The following PDIA5 variants were observed in gnomAD, a reference collection of about 807,000 sequenced individuals.
PDIA5 encodes the protein protein disulfide isomerase family A member 5.
Under a neutral mutation model 77.6 loss-of-function variants are expected in PDIA5, and 58 were observed. The ratio of observed to expected loss-of-function variants is 0.75; its 90% confidence interval spans 0.61 to 0.93. The LOEUF (loss-of-function observed/expected upper bound fraction) is 0.93. Among genes scored for constraint, PDIA5 ranks in the 40% least tolerant of loss-of-function variants. PDIA5 has a pLI of 0.00. For missense variants in PDIA5, 630 were observed against 647.7 expected, an observed-to-expected ratio of 0.97 and a Z score of 0.30; for synonymous variants, 250 against 252.1, an observed-to-expected ratio of 0.99 and a Z score of 0.08.
intron 2 of PDIA5, among the ~76,000 whole-genome samples, chr3:123,090,080 G>A (rs1486690759): frequency 1.3e-5 from 2 of 152,204 alleles, no homozygotes; most frequent in Non-Finnish European, 2.9e-5. Context: ...AGTTTTCCCC[G>A]GCAGCTCGGC....
rs71623603 is a variant in PDIA5, at chr3:123,101,906, C to CTTTTTTTTTTTTTTTTTTTTTTTT, written c.258-484_258-483insTTTTTTTTTTTTTTTTTTTTTTTT. 9.8e-5 allele frequency among the ~76,000 whole-genome samples: 7 copies of CTTTTTTTTTTTTTTTTTTTTTTTT among 71,398 alleles called. 2 individuals carry two copies. The highest frequency in any genetic ancestry group is 2.2e-4 in the African/African-American group (4 of 18,382). 46.8% of individuals were successfully genotyped at this position (71,398 alleles called of 152,430 possible). On this transcript the variant is annotated intron_variant, in intron 3 of 16. Transcript: ENST00000316218. ...TCCCCTTCCTTTCCTTTCTTTCTTG[C>CTTTTTTTTTTTTTTTTTTTTTTTT]TTTTTTTTTTTTTTTTTTTTTGAGA...
chr3:123,081,388 C>T (rs578237577), intron 1 of PDIA5, among the ~76,000 whole-genome samples: 24 of 152,350 alleles, frequency 1.6e-4, no homozygotes, highest in African/African-American at 5.8e-4. Flanking sequence ...CGCCAAACCA[C>T]CAGCTCTAAA....
chr3:123,082,184 A>G (rs1934029341), intron 1 of PDIA5, among the ~76,000 whole-genome samples: 1 of 152,076 alleles, frequency 6.6e-6, no homozygotes, highest in Admixed American at 6.6e-5. Context: ...AGATAGGGGC[A>G]TTTCCTGGTT....
chr3:123,085,730 C>G (rs1934122140), intron 1 of PDIA5, among the ~76,000 whole-genome samples: 1 of 152,230 alleles, frequency 6.6e-6, no homozygotes, highest in South Asian at 2.1e-4. Context: ...GCGTGGGTGC[C>G]TACCAGCCTC....
rs1305174936 is a variant in PDIA5, at chr3:123,137,100, A to G, written c.910+6484A>G. Among the ~76,000 whole-genome samples, 4 of 152,226 alleles carry G rather than the reference A, an allele frequency of 2.6e-5. No individual in the cohort carries two copies. The East Asian group carries it at 7.7e-4, about 29-fold the overall frequency. On this transcript the variant is annotated intron_variant, in intron 11 of 16. Transcript: ENST00000316218. ...GAATTTCCTTGGCCCTGGGGTAAGTAAGCTTGAGCTTTGGCAGATGCTACC... is the reference window on the plus strand; with the variant it reads ...GAATTTCCTTGGCCCTGGGGTAAGTGAGCTTGAGCTTTGGCAGATGCTACC...
At chr3:123,148,126 G>A (rs1442402529) in intron 13 of PDIA5, among the ~76,000 whole-genome samples, 2 of 152,192 alleles carry the variant, frequency 1.3e-5, no homozygotes, top group African/African-American at 4.8e-5. Flanking sequence ...CTGAGATCGT[G>A]ACCCTGAGCC....
intron 5 of PDIA5, among the ~76,000 whole-genome samples, chr3:123,103,679 C>G (rs1463674510): frequency 1.3e-5 from 2 of 152,144 alleles, no homozygotes; most frequent in Non-Finnish European, 2.9e-5. Flanking sequence ...TGCTTATCCA[C>G]TAACACTCAT....
chr3:123,090,734 T>A (rs1017753565), intron 2 of PDIA5, among the ~76,000 whole-genome samples: 8 of 152,102 alleles, frequency 5.3e-5, no homozygotes, highest in Non-Finnish European at 1.0e-4. Context: ...GGTGGGGCCC[T>A]GTTGTCAGGC....
intron 7 of PDIA5, among the ~76,000 whole-genome samples, chr3:123,115,615 A>C (rs985271754): frequency 6.6e-6 from 1 of 151,834 alleles, no homozygotes; most frequent in Non-Finnish European, 1.5e-5. Flanking sequence ...TAGAAAGTTG[A>C]GTGAAGATCA....
intron 14 of PDIA5, among the ~76,000 whole-genome samples, chr3:123,151,631 C>A (rs1004491563): frequency 6.6e-6 from 1 of 152,260 alleles, no homozygotes; most frequent in Non-Finnish European, 1.5e-5. Flanking sequence ...AGCCCCCCGC[C>A]ACCCTGACCC....
At chr3:123,112,355 T>C (rs568824056) in intron 7 of PDIA5, among the ~76,000 whole-genome samples, 8 of 152,096 alleles carry the variant, frequency 5.3e-5, no homozygotes, top group African/African-American at 1.7e-4. Context: ...TTCTGTTTGC[T>C]CATGAAAGCC....
chr3:123,152,111 T>TCCTTCCTTCCTTCCTTCCTTCCTGCCTG (rs1935927673), intron 14 of PDIA5, among the ~76,000 whole-genome samples: 1 of 74,538 alleles, frequency 1.3e-5, no homozygotes, highest in Non-Finnish European at 2.8e-5. Context: ...CTTCCTTCCT[T>TCCTTCCTTCCTTCCTTCCTTCCTGCCTG]CCTTCCTTCC....
At chr3:123,150,212 C>T (rs2107986286) in intron 13 of PDIA5, 22 bp from the exon 14 acceptor site, 2 of 1,594,764 alleles carry the variant, frequency 1.3e-6, no homozygotes, top group South Asian at 2.2e-5. Context: ...GGCTGCCTCC[C>T]CACTCCCCTG....
At chr3:123,116,031 C>T (rs1934988945) in intron 7 of PDIA5, among the ~76,000 whole-genome samples, 200 bp from the exon 8 acceptor site, 2 of 152,230 alleles carry the variant, frequency 1.3e-5, no homozygotes, top group Admixed American at 1.3e-4. Context: ...TGTTTTGCAC[C>T]ACTGATACAG....
intron 1 of PDIA5, among the ~76,000 whole-genome samples, chr3:123,083,809 G>C (rs1438969468): frequency 6.6e-6 from 1 of 152,180 alleles, no homozygotes; most frequent in East Asian, 1.9e-4. Flanking sequence ...GAGGCTTGCT[G>C]GGACTGCATC....
intron 1 of PDIA5, among the ~76,000 whole-genome samples, chr3:123,082,678 T>A (rs1934039739): frequency 6.6e-6 from 1 of 152,080 alleles, no homozygotes; most frequent in South Asian, 2.1e-4. Flanking sequence ...GCTCCCCTTA[T>A]AAGTTGTCTC....
At position 123,161,461 on chromosome 3, in the gene PDIA5, T is replaced by A. The variant is rs1936158420; in HGVS notation, c.1479+6T>A. The A allele has an allele frequency of 6.2e-7, 1 of 1,612,976 alleles. No individual in the cohort carries two copies. Among genetic ancestry groups the A allele is most frequent in the African/African-American group, 1.3e-5 (1 of 74,868 alleles). ...AGTATGACAGCGACCGCACAGTAAG[T>A]GGGGGAGAGGCGTCTGCCCAGAGCT... On this transcript the variant is annotated splice_donor_region_variant and intron_variant, in intron 16 of 16. Coordinates refer to ENST00000316218, the MANE Select transcript of PDIA5 (RefSeq NM_006810.4).
chr3:123,107,193 T>C (rs2107938071), intron 6 of PDIA5, among the ~76,000 whole-genome samples: 1 of 152,346 alleles, frequency 6.6e-6, no homozygotes, highest in African/African-American at 2.4e-5. Context: ...TTTTTTGTTT[T>C]TGTTTTGTTT....
chr3:123,100,547 G>T (rs1934563099), intron 3 of PDIA5, among the ~76,000 whole-genome samples: 1 of 152,156 alleles, frequency 6.6e-6, no homozygotes, highest in Admixed American at 6.5e-5. Context: ...CCCACTGTTT[G>T]CCAGGCCCAT....
Sources: gnomAD v4.1 joint callset for allele counts (sites outside exome capture counted in the v4.1 genomes callset) on GRCh38, gnomAD v4.1.1 for gene constraint, MANE v1.5 for transcripts, NCBI Gene and HGNC (gene_info 2026-07-23, HGNC 2026-07-21) for gene names.